The following CEP43 variants were observed in gnomAD, a reference collection of about 807,000 sequenced individuals.
CEP43 encodes the protein FGFR1 oncogene partner.
A neutral mutation model predicts 52.6 loss-of-function variants in CEP43; 36 were observed. The observed-to-expected ratio is 0.68, with a 90% CI of 0.52 to 0.90. The LOEUF is 0.90. CEP43 is among the 40% of genes least tolerant of loss of function. CEP43 has a pLI of 0.00. For synonymous variants in CEP43, 192 were observed against 172.4 expected (o/e 1.11, Z -0.89); for missense variants, 506 against 472.8 (o/e 1.07, Z -0.65).
chr6:167,041,432 T>G lies in CEP43; in HGVS notation c.*1454T>G. 2 of 1,060,216 alleles carry G rather than the reference T, an allele frequency of 1.9e-6. No homozygotes were observed. The highest frequency in any genetic ancestry group is 1.1e-6 in the Non-Finnish European group (1 of 876,070). The allele number at this position is 1,060,216 out of a possible 1,614,324, so 65.7% of individuals were successfully genotyped here. A position where few individuals can be genotyped will look rare whatever the true frequency, so the allele number is the denominator to read the frequency against. On this transcript the variant is annotated 3_prime_UTR_variant, in exon 13 of 13. Coordinates refer to ENST00000366847, the MANE Select transcript of CEP43 (RefSeq NM_007045.4). The stretch of plus-strand genomic sequence containing the variant: ...TGCCCTCCGTCTGTGAGCTGCTATC[T>G]CAGTCTCCTTCAGCTCTTCATGTCT...
chr6:167,032,961 C>T (rs1017849263), intron 11 of CEP43, among the ~76,000 whole-genome samples: 13 of 152,250 alleles, frequency 8.5e-5, no homozygotes, highest in South Asian at 2.1e-4. Flanking sequence ...CTGATTTTCT[C>T]TTCCTTCCAT....
At chr6:167,017,838 C>G (rs16899788) in intron 7 of CEP43, among the ~76,000 whole-genome samples, 1 of 152,032 alleles carries the variant, frequency 6.6e-6, no homozygotes, top group Non-Finnish European at 1.5e-5. Flanking sequence ...ACTTAATGAC[C>G]GTTGTAGTGC....
intron 12 of CEP43, among the ~76,000 whole-genome samples, chr6:167,038,454 G>A (rs776770811): frequency 6.6e-6 from 1 of 152,178 alleles, no homozygotes; most frequent in East Asian, 1.9e-4. Context: ...ATGAATTTTC[G>A]TGAAATTTAA....
rs543154472 is a variant in CEP43, at chr6:167,029,395, A to AT, written c.988+2787dup. Reference sequence around the variant, plus strand: ...GGACCAGAAGTATTTCAGAGTCTGGATTTTTTTGGATTTTGAAATGTTTGC... The same window carrying AT: ...GGACCAGAAGTATTTCAGAGTCTGGATTTTTTTTGGATTTTGAAATGTTTGC... On this transcript the variant is annotated intron_variant, in intron 10 of 12. Coordinates refer to ENST00000366847, the MANE Select transcript of CEP43 (RefSeq NM_007045.4). Among the ~76,000 whole-genome samples the AT allele has an allele frequency of 3.9e-5, 6 of 152,280 alleles. No homozygotes were observed. The South Asian group carries it at 1.2e-3, about 32-fold the overall frequency.
intron 12 of CEP43, among the ~76,000 whole-genome samples, chr6:167,039,686 T>C (rs1014962522): frequency 2.6e-5 from 4 of 152,260 alleles, no homozygotes; most frequent in Non-Finnish European, 5.9e-5. Flanking sequence ...CACGCTGTTT[T>C]CCATAGTGGT....
At position 167,048,443 on chromosome 6, in the gene CEP43, T is replaced by C. The variant is rs1780830386; in HGVS notation, c.*8465T>C. 1 of 152,162 alleles carries C rather than the reference T, an allele frequency of 6.6e-6. No homozygotes were observed. The highest frequency in any genetic ancestry group is 1.5e-5 in the Non-Finnish European group (1 of 68,058). The allele number at this position is 152,162 out of a possible 1,614,324, so 9.4% of individuals were successfully genotyped here. A position where few individuals can be genotyped will look rare whatever the true frequency, so the allele number is the denominator to read the frequency against. ...TACTCGGGAGGCTGAGGCAGGAGGA[T>C]TGCAGGAGGTTTGCTTGAGCCGGGG... On this transcript the variant is annotated 3_prime_UTR_variant, in exon 13 of 13. Transcript: ENST00000366847.
rs1779778346 is a variant in CEP43, at chr6:167,003,255, G to A, written c.211+8G>A. 9 of 1,437,154 alleles carry A rather than the reference G, an allele frequency of 6.3e-6. No individual in the cohort carries two copies. The East Asian group carries it at 1.7e-4, about 28-fold the overall frequency. 89.0% of individuals were successfully genotyped at this position (1,437,154 alleles called of 1,614,324 possible). ...TTTTAAATACCAAAGACGGTAAGAT[G>A]TTCAGTTTGTTCTTGTTTATCTATC... On this transcript the variant is annotated splice_region_variant and intron_variant, in intron 3 of 12. Transcript: ENST00000366847.
chr6:167,030,438 G>A (rs1411612664), intron 10 of CEP43, among the ~76,000 whole-genome samples: 1 of 152,200 alleles, frequency 6.6e-6, no homozygotes, highest in East Asian at 1.9e-4. Context: ...CCTGGTTTCT[G>A]GCAAGCACTT....
Position 167,041,697 on chromosome 6 carries a change from C to G in CEP43, c.*1719C>G, listed in dbSNP as rs1356860230. 2 of 1,039,382 alleles carry G rather than the reference C, an allele frequency of 1.9e-6. No individual in the cohort carries two copies. The highest frequency in any genetic ancestry group is 1.2e-6 in the Non-Finnish European group (1 of 863,030). 64.4% of individuals were successfully genotyped at this position (1,039,382 alleles called of 1,614,324 possible). ...TGGCTTTTTAAATTTATGAAACTTTCGAACAGTAGCAACTGAAATTTGTCA... is the reference window on the plus strand; with the variant it reads ...TGGCTTTTTAAATTTATGAAACTTTGGAACAGTAGCAACTGAAATTTGTCA... On this transcript the variant is annotated 3_prime_UTR_variant, in exon 13 of 13. Coordinates refer to ENST00000366847, the MANE Select transcript of CEP43 (RefSeq NM_007045.4).
chr6:166,999,853 T>C, intron 1 of CEP43: 1 of 580,432 alleles, frequency 1.7e-6, no homozygotes, highest in Non-Finnish European at 3.0e-6. Flanking sequence ...GGCTCGGGCA[T>C]GATCCGCGGC....
rs1554277428 is a variant in CEP43, at chr6:167,045,098, A to AC, written c.*5120_*5121insC. 1 of 142,406 alleles carries AC rather than the reference A, an allele frequency of 7.0e-6. No individual in the cohort carries two copies. Among genetic ancestry groups the AC allele is most frequent in the Non-Finnish European group, 1.5e-5 (1 of 65,258 alleles). 8.8% of individuals were successfully genotyped at this position (142,406 alleles called of 1,614,324 possible). ...AAATGTTAAATTTTCAGACACTTGT[A>AC]TTTTTTTTTTCCTTTTTTTTTTTTG... On this transcript the variant is annotated 3_prime_UTR_variant, in exon 13 of 13. Coordinates refer to ENST00000366847, the MANE Select transcript of CEP43 (RefSeq NM_007045.4).
At chr6:167,027,727 C>A in intron 10 of CEP43, 1 of 306,114 alleles carries the variant, frequency 3.3e-6, no homozygotes, top group Non-Finnish European at 4.8e-6. Flanking sequence ...TTAAGTGGAA[C>A]TAATAACATC....
At chr6:167,000,003 CTTG>C (rs1779695956) in intron 1 of CEP43, 54 bp from the exon 2 acceptor site, 3 of 1,448,220 alleles carry the variant, frequency 2.1e-6, no homozygotes, top group East Asian at 2.3e-5. Context: ...TAAATGTGAG[CTTG>C]TTGTGAAAAT....
At chr6:167,019,944 ATGAG>A (rs997409555) in intron 7 of CEP43, among the ~76,000 whole-genome samples, 2 of 152,124 alleles carry the variant, frequency 1.3e-5, no homozygotes, top group African/African-American at 4.8e-5. Context: ...GCACTTTCTC[ATGAG>A]TGTTTAGAAG....
At chr6:167,017,350 T>C (rs898466696) in intron 7 of CEP43, among the ~76,000 whole-genome samples, 1 of 152,146 alleles carries the variant, frequency 6.6e-6, no homozygotes, top group Non-Finnish European at 1.5e-5. Context: ...AGCATTACAT[T>C]TATTAGGTAT....
intron 6 of CEP43, among the ~76,000 whole-genome samples, chr6:167,012,924 G>T (rs974523393): frequency 1.3e-5 from 2 of 152,310 alleles, no homozygotes; most frequent in East Asian, 3.9e-4. Flanking sequence ...GATAGTCCTT[G>T]TGTAGGGTTG....
chr6:167,021,797 A>G (rs1780237541), intron 7 of CEP43, among the ~76,000 whole-genome samples: 1 of 152,134 alleles, frequency 6.6e-6, no homozygotes, highest in South Asian at 2.1e-4. Context: ...GTTAGAATTG[A>G]GATAATTACT....
intron 12 of CEP43, among the ~76,000 whole-genome samples, chr6:167,037,465 T>C (rs576243695): frequency 1.3e-5 from 2 of 152,360 alleles, no homozygotes; most frequent in South Asian, 4.1e-4. Flanking sequence ...TTACAGTCTG[T>C]CTGCAAGCTT....
Position 167,041,293 on chromosome 6 carries a change from A to G in CEP43, c.*1315A>G. 9.5e-7 allele frequency: 1 copy of G among 1,051,614 alleles called. No homozygotes were observed. Among genetic ancestry groups the G allele is most frequent in the African/African-American group, 1.7e-5 (1 of 60,356 alleles). The allele number at this position is 1,051,614 out of a possible 1,614,324, so 65.1% of individuals were successfully genotyped here. A position where few individuals can be genotyped will look rare whatever the true frequency, so the allele number is the denominator to read the frequency against. On this transcript the variant is annotated 3_prime_UTR_variant, in exon 13 of 13. Transcript: ENST00000366847. ...TAGAGGAAATGAAAATGTAAGGATT[A>G]AGGCTGTGTAACAGAATCTGGCTTT...
Sources: allele counts gnomAD v4.1 joint callset (sites outside exome capture counted in the v4.1 genomes callset), GRCh38; gene constraint gnomAD v4.1.1; transcripts MANE v1.5; gene names NCBI Gene and HGNC (gene_info 2026-07-23, HGNC 2026-07-21).